Variants in FOXP2 observed in about 807,000 individuals in gnomAD.
FOXP2 encodes the protein forkhead box P2.
In FOXP2, 12 loss-of-function variants were observed where a neutral mutation model predicts 115.8. The ratio of observed to expected loss-of-function variants is 0.10; its 90% confidence interval spans 0.07 to 0.17. FOXP2 has a LOEUF of 0.17. Among genes scored for constraint, FOXP2 ranks in the 10% least tolerant of loss-of-function variants. The pLI, the probability that FOXP2 is intolerant of heterozygous loss-of-function variation, is 1.00. For synonymous variants in FOXP2, 328 were observed against 297.7 expected (o/e 1.10, Z -1.05); for missense variants, 629 against 843.5 (o/e 0.75, Z 3.15).
intron 1 of FOXP2, among the ~76,000 whole-genome samples, chr7:114,260,529 T>C (rs1435424420): frequency 2.0e-5 from 3 of 152,078 alleles, no homozygotes; most frequent in Non-Finnish European, 4.4e-5. Context: ...GATGACTCTA[T>C]TTAAAAAAAA....
Position 114,445,687 on chromosome 7 carries a change from A to C in FOXP2, c.168+19008A>C, listed in dbSNP as rs144840455. ...AAATTAGCCCCATTTTAATAATGTG[A>C]AAACAATATACACAGTTTCTAATTT... On this transcript the variant is annotated intron_variant, in intron 2 of 16. Transcript: ENST00000350908. Among the ~76,000 whole-genome samples, 18 of 152,290 alleles carry C rather than the reference A, an allele frequency of 1.2e-4. No homozygotes were observed. The East Asian group carries it at 3.1e-3, about 26-fold the overall frequency.
intron 3 of FOXP2, among the ~76,000 whole-genome samples, chr7:114,597,198 G>A (rs970666358): frequency 6.6e-6 from 1 of 151,946 alleles, no homozygotes; most frequent in African/African-American, 2.4e-5. Flanking sequence ...TAAAAGGTTA[G>A]AGTTACTAAC....
At chr7:114,153,532 A>C (rs533248123) in intron 1 of FOXP2, among the ~76,000 whole-genome samples, 1 of 152,248 alleles carries the variant, frequency 6.6e-6, no homozygotes, top group African/African-American at 2.4e-5. Flanking sequence ...AGAAATAAAA[A>C]ATATTATTTT....
At chr7:114,476,325 A>G (rs1796258664) in intron 2 of FOXP2, among the ~76,000 whole-genome samples, 1 of 151,968 alleles carries the variant, frequency 6.6e-6, no homozygotes, top group South Asian at 2.1e-4. Flanking sequence ...GTCCAGTTTT[A>G]TTCTTCTGAA....
intron 1 of FOXP2, among the ~76,000 whole-genome samples, chr7:114,121,887 T>C (rs1447238088): frequency 2.0e-5 from 3 of 152,108 alleles, no homozygotes; most frequent in Non-Finnish European, 4.4e-5. Flanking sequence ...ATCAAAAATA[T>C]TCCTTGTGGG....
At chr7:114,432,786 G>A (rs943433266) in intron 2 of FOXP2, among the ~76,000 whole-genome samples, 3 of 151,872 alleles carry the variant, frequency 2.0e-5, no homozygotes, top group Non-Finnish European at 4.4e-5. Flanking sequence ...GACATATAGA[G>A]TTGTCGTCTA....
At position 114,312,031 on chromosome 7, in the gene FOXP2, G is replaced by A. The variant is rs146474913; in HGVS notation, c.-11+23922G>A. On this transcript the variant is annotated intron_variant, in intron 2 of 17. Transcript: ENST00000634411. ...GGAGGTTGCAGCAGAAGCCAGATAC[G>A]TGAACTTGGCCCAGTCTTTATTATT... is the stretch of plus-strand genomic sequence containing the variant. Among the ~76,000 whole-genome samples, 688 of 152,220 alleles carry A rather than the reference G, an allele frequency of 4.5e-3. 4 individuals are homozygous for A. Among genetic ancestry groups the A allele is most frequent in the African/African-American group, 0.016 (660 of 41,522 alleles).
intron 1 of FOXP2, among the ~76,000 whole-genome samples, chr7:114,276,319 G>A (rs1043850312): frequency 6.6e-6 from 1 of 151,992 alleles, no homozygotes; most frequent in African/African-American, 2.4e-5. Flanking sequence ...CAACATGCCT[G>A]GCTAATTTTT....
At chr7:114,668,172 G>A (rs1807278002) in intron 16 of FOXP2, 1 of 152,032 alleles carries the variant, frequency 6.6e-6, no homozygotes, top group African/African-American at 2.4e-5. Flanking sequence ...TTTTTGATTA[G>A]TCTTTTAATT....
intron 2 of FOXP2, among the ~76,000 whole-genome samples, chr7:114,508,935 T>C (rs1033401991): frequency 6.6e-6 from 1 of 152,116 alleles, no homozygotes; most frequent in Non-Finnish European, 1.5e-5. Flanking sequence ...AAATCAAGCA[T>C]ATCTCTAAAA....
chr7:114,394,595 C>T (rs934517007), intron 2 of FOXP2, among the ~76,000 whole-genome samples: 2 of 152,066 alleles, frequency 1.3e-5, no homozygotes, highest in Non-Finnish European at 2.9e-5. Flanking sequence ...TCAAAGTGAA[C>T]ATTATAAGAG....
Position 114,692,832 on chromosome 7 carries a change from CTTT to C in FOXP2, c.*2910_*2912del, listed in dbSNP as rs1563084361. 3 of 449,572 alleles carry C rather than the reference CTTT, an allele frequency of 6.7e-6. No individual in the cohort carries two copies. In the Admixed American group the frequency reaches 7.2e-5, roughly 11 times the overall value. 27.8% of individuals were successfully genotyped at this position (449,572 alleles called of 1,614,324 possible). A position where few individuals can be genotyped will look rare whatever the true frequency, so the allele number is the denominator to read the frequency against. On this transcript the variant is annotated 3_prime_UTR_variant, in exon 17 of 17. Coordinates refer to ENST00000350908, the MANE Select transcript of FOXP2 (RefSeq NM_014491.4). Reference sequence around the variant, plus strand: ...GGTGGAATATACCTGTTTTATTTATCTTTTTTGAGGTAAACTAATTTTTGATAC... The same window carrying C: ...GGTGGAATATACCTGTTTTATTTATCTTTGAGGTAAACTAATTTTTGATAC...
At chr7:114,481,792 CTATCTATCTATCTATCTATA>C (rs1362162685) in intron 2 of FOXP2, among the ~76,000 whole-genome samples, 8 of 150,556 alleles carry the variant, frequency 5.3e-5, no homozygotes, top group African/African-American at 7.3e-5. Flanking sequence ...ATCTATCTAT[CTATCTATCTATCTATCTATA>C]TATCTATCTA....
intron 2 of FOXP2, among the ~76,000 whole-genome samples, chr7:114,380,539 C>T (rs748215409): frequency 1.6e-4 from 24 of 152,170 alleles, no homozygotes; most frequent in South Asian, 2.1e-4. Context: ...CTTCAAGTGG[C>T]GTAGTTTTGA....
chr7:114,631,826 C>A, intron 6 of FOXP2, 121 bp downstream of exon 6: 3 of 999,496 alleles, frequency 3.0e-6, no homozygotes, highest in Non-Finnish European at 3.0e-6. Context: ...ATTATTAAAA[C>A]GTGATTGTTA....
intron 1 of FOXP2, among the ~76,000 whole-genome samples, chr7:114,185,592 G>T (rs2129156124): frequency 6.6e-6 from 1 of 152,220 alleles, no homozygotes; most frequent in Non-Finnish European, 1.5e-5. Flanking sequence ...TCCATGTTCA[G>T]AAATTCAGAC....
chr7:114,220,292 TTA>T (rs955650550), intron 1 of FOXP2, among the ~76,000 whole-genome samples: 1 of 152,088 alleles, frequency 6.6e-6, no homozygotes, highest in African/African-American at 2.4e-5. Context: ...ACCTACCGAA[TTA>T]TACAATATAA....
chr7:114,392,906 G>A (rs1328264858), intron 2 of FOXP2, among the ~76,000 whole-genome samples: 2 of 152,180 alleles, frequency 1.3e-5, no homozygotes, highest in Admixed American at 1.3e-4. Context: ...TGGAGGATGA[G>A]GTAAGTGGAT....
chr7:114,194,043 T>G (rs1793832797), intron 1 of FOXP2, among the ~76,000 whole-genome samples: 1 of 150,344 alleles, frequency 6.7e-6, no homozygotes, highest in African/African-American at 2.4e-5. Flanking sequence ...TTTGGAAATT[T>G]GTTCTAAATC....
Sources: gnomAD v4.1 joint callset for allele counts (sites outside exome capture counted in the v4.1 genomes callset) on GRCh38, gnomAD v4.1.1 for gene constraint, MANE v1.5 for transcripts, NCBI Gene and HGNC (gene_info 2026-07-23, HGNC 2026-07-21) for gene names.